The following FSTL4 variants were observed in gnomAD, a reference collection of about 807,000 sequenced individuals.
FSTL4 encodes the protein follistatin-related protein 4.
In FSTL4, 28 loss-of-function variants were observed where a neutral mutation model predicts 78.2. The ratio of observed to expected loss-of-function variants is 0.36; its 90% CI spans 0.27 to 0.49. The LOEUF (loss-of-function observed/expected upper bound fraction) is 0.49. Ranked by LOEUF, FSTL4 falls within the 20% of genes least tolerant of loss-of-function variation. The pLI is 0.98. For synonymous variants in FSTL4, 422 were observed against 440.5 expected (o/e 0.96, Z 0.53); for missense variants, 922 against 1,084.9 (o/e 0.85, Z 2.11).
At chr5:133,768,300 T>C in the FSTL4 span, among the ~76,000 whole-genome samples, 1 of 152,324 alleles carries the variant, frequency 6.6e-6, no homozygotes, top group Admixed American at 6.5e-5. Context: ...TATACATTTC[T>C]GGATAATCTG....
intron 3 of FSTL4, among the ~76,000 whole-genome samples, chr5:133,521,904 G>A (rs1245998985): frequency 6.6e-6 from 1 of 152,134 alleles, no homozygotes; most frequent in Non-Finnish European, 1.5e-5. Context: ...CCAGGTAGAT[G>A]GATTTATAAA....
Position 133,263,967 on chromosome 5 carries a change from A to G in FSTL4, c.728-14391T>C, listed in dbSNP as rs114247221. 8.4e-3 allele frequency among the ~76,000 whole-genome samples: 1,272 copies of G among 152,302 alleles called. 15 individuals carry two copies. The highest frequency in any genetic ancestry group is 0.029 in the African/African-American group (1,199 of 41,558). On this transcript the variant is annotated intron_variant, in intron 6 of 15. Transcript: ENST00000265342. ...ATGGGGATGTGGGGAACTGAACCCA[A>G]TGGTGGAAAGATTGGGTAAAACCCA...
intron 7 of FSTL4, chr5:133,243,962 C>T (rs1444004214): frequency 6.6e-6 from 1 of 152,322 alleles, no homozygotes; most frequent in Non-Finnish European, 1.5e-5. Flanking sequence ...CTTCACCCTC[C>T]GAGTGGCCGC....
At chr5:133,766,678 G>T in the FSTL4 span, among the ~76,000 whole-genome samples, 2,778 of 152,306 alleles carry the variant, frequency 0.018, 96 homozygotes, top group African/African-American at 0.064. Flanking sequence ...TGGAAGAGCT[G>T]GGTGTGGAGG....
In FSTL4 at chr5:133,524,799, G is replaced by A. The variant is rs145745445; in HGVS notation, c.160+42387C>T. Among the ~76,000 whole-genome samples the A allele has an allele frequency of 2.9e-3, 444 of 152,300 alleles. 2 individuals are homozygous for A. Among genetic ancestry groups the A allele is most frequent in the African/African-American group, 0.01 (422 of 41,566 alleles). ...TCTGCACACAAAAGGCAGCCATCCC[G>A]CTGCCTGGCCCAGCTAGTGAGTGAG... On this transcript the variant is annotated intron_variant, in intron 3 of 15. Coordinates refer to ENST00000265342, the MANE Select transcript of FSTL4 (RefSeq NM_015082.2).
chr5:133,518,297 T>G (rs1017426025), intron 3 of FSTL4, among the ~76,000 whole-genome samples: 3 of 151,858 alleles, frequency 2.0e-5, no homozygotes, highest in Non-Finnish European at 4.4e-5. Flanking sequence ...AAATCAATAA[T>G]AAGAAGAAAT....
intron 3 of FSTL4, among the ~76,000 whole-genome samples, chr5:133,415,877 G>A (rs188604793): frequency 6.6e-6 from 1 of 152,192 alleles, no homozygotes; most frequent in Non-Finnish European, 1.5e-5. Context: ...TGAACTCTGT[G>A]GTTGGACTGG....
intron 4 of FSTL4, among the ~76,000 whole-genome samples, chr5:133,395,669 A>G (rs1333625783): frequency 6.6e-6 from 1 of 152,110 alleles, no homozygotes; most frequent in African/African-American, 2.4e-5. Context: ...CCCTACACCC[A>G]GGATCCCATA....
At chr5:133,756,261 C>A in the FSTL4 span, among the ~76,000 whole-genome samples, 3 of 151,870 alleles carry the variant, frequency 2.0e-5, no homozygotes, top group African/African-American at 7.3e-5. Flanking sequence ...TGCCAGGACA[C>A]CAGGGAACCT....
At chr5:133,620,313 T>C in the FSTL4 span, among the ~76,000 whole-genome samples, 5 of 152,186 alleles carry the variant, frequency 3.3e-5, no homozygotes, top group South Asian at 8.3e-4. Context: ...AAATAACATA[T>C]TGTGGGTGTG....
chr5:133,741,530 C>G, the FSTL4 span, among the ~76,000 whole-genome samples: 3 of 152,212 alleles, frequency 2.0e-5, no homozygotes, highest in Non-Finnish European at 2.9e-5. Context: ...TGAGCAGCAA[C>G]CACCCATAGC....
intron 6 of FSTL4, among the ~76,000 whole-genome samples, chr5:133,305,396 C>T (rs1753633312): frequency 6.6e-6 from 1 of 152,240 alleles, no homozygotes; most frequent in African/African-American, 2.4e-5. Context: ...CCTCCTCCCT[C>T]AGTCAAGCCC....
chr5:133,384,713 G>A (rs957389430), intron 4 of FSTL4, among the ~76,000 whole-genome samples: 12 of 152,130 alleles, frequency 7.9e-5, no homozygotes, highest in African/African-American at 2.9e-4. Flanking sequence ...TGATCTTTCT[G>A]AACACCAGGC....
intron 1 of FSTL4, among the ~76,000 whole-genome samples, chr5:133,609,817 TA>T (rs910591596): frequency 6.6e-6 from 1 of 152,248 alleles, no homozygotes; most frequent in African/African-American, 2.4e-5. Flanking sequence ...TCATACCTCT[TA>T]AGAACCACAT....
At chr5:133,556,613 G>A (rs1759792310) in intron 3 of FSTL4, among the ~76,000 whole-genome samples, 1 of 152,150 alleles carries the variant, frequency 6.6e-6, no homozygotes, top group Non-Finnish European at 1.5e-5. Flanking sequence ...TGTAATCTCA[G>A]TTACTCTGGA....
At chr5:133,688,434 C>T in the FSTL4 span, among the ~76,000 whole-genome samples, 1 of 152,140 alleles carries the variant, frequency 6.6e-6, no homozygotes. Context: ...AAGCAAGCAA[C>T]AACAACAACA....
chr5:133,224,289 G>T, intron 10 of FSTL4, 73 bp from the exon 11 acceptor site: 2 of 1,096,890 alleles, frequency 1.8e-6, no homozygotes, highest in Non-Finnish European at 2.8e-6. Context: ...GTGTTAAACC[G>T]TCACTGCAGT....
rs373119803 is a variant in FSTL4 at position 133,351,995 on chromosome 5, G to C, written c.410-35343C>G. ...TTTTTTTATTTTTGAAGAGTATTTA[G>C]ATCTGTCACAATTTCTTATTGCTTT... On this transcript the variant is annotated intron_variant, in intron 4 of 15. Coordinates refer to ENST00000265342, the MANE Select transcript of FSTL4 (RefSeq NM_015082.2). Among the ~76,000 whole-genome samples the C allele has an allele frequency of 1.1e-4, 16 of 151,350 alleles. 1 individual carries two copies. The South Asian group carries it at 2.9e-3, about 28-fold the overall frequency.
chr5:133,264,623 G>A (rs192566116), intron 6 of FSTL4, among the ~76,000 whole-genome samples: 2 of 152,158 alleles, frequency 1.3e-5, no homozygotes, highest in South Asian at 2.1e-4. Flanking sequence ...TTAGGCAGAC[G>A]CATGGCAGCA....
Sources: allele counts gnomAD v4.1 joint callset (sites outside exome capture counted in the v4.1 genomes callset), GRCh38; gene constraint gnomAD v4.1.1; transcripts MANE v1.5; gene names NCBI Gene and HGNC (gene_info 2026-07-23, HGNC 2026-07-21).